Variants in GRM7 observed in about 807,000 individuals in gnomAD.
The protein encoded by GRM7 is glutamate metabotropic receptor 7.
A neutral mutation model predicts 84.5 loss-of-function variants in GRM7; 35 were observed. The observed-to-expected ratio is 0.41, with a 90% CI of 0.32 to 0.55. GRM7 has a LOEUF of 0.55. GRM7 is among the 20% of genes least tolerant of loss of function. The probability of loss-of-function intolerance (pLI) is 0.19; values close to 1 mark genes in which losing one functional copy is unlikely to be tolerated. For synonymous variants in GRM7, 487 were observed against 455.1 expected (o/e 1.07, Z -0.89); for missense variants, 1,003 against 1,194.6 (o/e 0.84, Z 2.36).
chr3:7,654,075 T>TGA (rs1699075506), intron 8 of GRM7, among the ~76,000 whole-genome samples: 1 of 136,696 alleles, frequency 7.3e-6, no homozygotes, highest in Non-Finnish European at 1.6e-5. Context: ...TGTCCTACCT[T>TGA]AGGTTCCTCT....
intron 1 of GRM7, among the ~76,000 whole-genome samples, chr3:7,094,459 C>A (rs1430442196): frequency 2.0e-5 from 3 of 152,022 alleles, no homozygotes; most frequent in Non-Finnish European, 2.9e-5. Context: ...TAGTTTGCAC[C>A]CAGAAAGCTA....
intron 1 of GRM7, among the ~76,000 whole-genome samples, chr3:6,878,050 TA>T (rs1163655842): frequency 6.6e-6 from 1 of 152,110 alleles, no homozygotes; most frequent in Non-Finnish European, 1.5e-5. Context: ...TCCATTCATT[TA>T]AGACCAATAC....
At chr3:7,062,815 A>G (rs1182014433) in intron 1 of GRM7, among the ~76,000 whole-genome samples, 1 of 151,798 alleles carries the variant, frequency 6.6e-6, no homozygotes, top group East Asian at 1.9e-4. Context: ...ATAGTGCACA[A>G]GAGATTGAAT....
intron 9 of GRM7, among the ~76,000 whole-genome samples, chr3:7,710,344 G>A (rs1305653794): frequency 6.6e-6 from 1 of 152,118 alleles, no homozygotes; most frequent in African/African-American, 2.4e-5. Flanking sequence ...CACGGGACCT[G>A]TTTTTGCTGT....
intron 7 of GRM7, among the ~76,000 whole-genome samples, chr3:7,537,781 CAA>C (rs1692635577): frequency 6.6e-6 from 1 of 151,974 alleles, no homozygotes; most frequent in African/African-American, 2.4e-5. Context: ...GTAGATTATT[CAA>C]CTAGGCATGC....
intron 7 of GRM7, among the ~76,000 whole-genome samples, chr3:7,529,142 T>C (rs1030688043): frequency 3.9e-5 from 6 of 152,116 alleles, no homozygotes; most frequent in Non-Finnish European, 5.9e-5. Flanking sequence ...GCAAGAATCT[T>C]TCAAAAATAT....
At chr3:7,560,424 C>G (rs1010476635) in intron 7 of GRM7, 1 of 152,052 alleles carries the variant, frequency 6.6e-6, no homozygotes, top group African/African-American at 2.4e-5. Context: ...TTCTTTCTCT[C>G]CACTCTCACG....
chr3:7,469,365 C>G (rs558359378), intron 7 of GRM7, among the ~76,000 whole-genome samples: 2 of 152,190 alleles, frequency 1.3e-5, no homozygotes, highest in African/African-American at 4.8e-5. Context: ...TAAGGCCAGT[C>G]AGAAGAAAAG....
chr3:7,031,406 T>TTTTATTTA lies in GRM7; in HGVS notation c.520-115026_520-115019dup, dbSNP rs200421808. ...AAATACTTTTTTTAAATTTTTTAAA[T>TTTTATTTA]TTTATTTATTTATTTATTTATTTAT... On this transcript the variant is annotated intron_variant, in intron 1 of 9. Coordinates refer to ENST00000357716, the MANE Select transcript of GRM7 (RefSeq NM_000844.4). Among the ~76,000 whole-genome samples, 874 of 150,180 alleles carry TTTTATTTA rather than the reference T, an allele frequency of 5.8e-3. 9 individuals carry two copies. Among genetic ancestry groups the TTTTATTTA allele is most frequent in the African/African-American group, 0.02 (810 of 40,034 alleles).
At position 7,572,689 on chromosome 3, in the gene GRM7, G is replaced by A. The variant is rs180992403; in HGVS notation, c.1516-5733G>A. On this transcript the variant is annotated intron_variant, in intron 7 of 9. Coordinates refer to ENST00000357716, the MANE Select transcript of GRM7 (RefSeq NM_000844.4). ...ACAAAAAAATTAGCCAGGCATGGGGGCGGGTGCCTGTAGTCCTAGCTACTC... is the reference window on the plus strand; with the variant it reads ...ACAAAAAAATTAGCCAGGCATGGGGACGGGTGCCTGTAGTCCTAGCTACTC... 3.6e-3 allele frequency among the ~76,000 whole-genome samples: 535 copies of A among 150,410 alleles called. 3 individuals are homozygous for A. The highest frequency in any genetic ancestry group is 0.013 in the African/African-American group (515 of 40,850).
At chr3:7,285,846 T>TA (rs895378409) in intron 2 of GRM7, among the ~76,000 whole-genome samples, 46 of 152,302 alleles carry the variant, frequency 3.0e-4, no homozygotes, top group African/African-American at 1.1e-3. Context: ...CCTTCTAATT[T>TA]ATCTCTTAAT....
chr3:7,150,728 T>A (rs1694259802), intron 2 of GRM7, among the ~76,000 whole-genome samples: 1 of 152,222 alleles, frequency 6.6e-6, no homozygotes, highest in African/African-American at 2.4e-5. Flanking sequence ...CCACTCTCTA[T>A]GTGCTTTAAA....
intron 2 of GRM7, among the ~76,000 whole-genome samples, chr3:7,203,465 T>G (rs1696133505): frequency 6.6e-6 from 1 of 152,218 alleles, no homozygotes; most frequent in Non-Finnish European, 1.5e-5. Context: ...TATAGATATA[T>G]ATCTCATATT....
At chr3:7,128,810 G>C (rs1365314464) in intron 1 of GRM7, among the ~76,000 whole-genome samples, 1 of 151,818 alleles carries the variant, frequency 6.6e-6, no homozygotes, top group Non-Finnish European at 1.5e-5. Flanking sequence ...ACCTGACCCA[G>C]ACTTCTTAAT....
chr3:6,925,123 T>C (rs1421574585), intron 1 of GRM7, among the ~76,000 whole-genome samples: 1 of 152,152 alleles, frequency 6.6e-6, no homozygotes, highest in Non-Finnish European at 1.5e-5. Flanking sequence ...AGAGAAGACT[T>C]ACTTTTGGGC....
intron 7 of GRM7, among the ~76,000 whole-genome samples, chr3:7,508,956 C>G (rs779798748): frequency 1.8e-4 from 27 of 152,164 alleles, no homozygotes; most frequent in Non-Finnish European, 3.5e-4. Flanking sequence ...TTCTCCTTAT[C>G]TGTGGTTTCA....
chr3:7,639,598 T>C (rs1387077626), intron 8 of GRM7, among the ~76,000 whole-genome samples: 1 of 152,172 alleles, frequency 6.6e-6, no homozygotes, highest in Admixed American at 6.5e-5. Flanking sequence ...TTTACAACTT[T>C]CCCTAAAATT....
At chr3:6,906,502 C>T (rs1574998562) in intron 1 of GRM7, among the ~76,000 whole-genome samples, 1 of 152,060 alleles carries the variant, frequency 6.6e-6, no homozygotes, top group Non-Finnish European at 1.5e-5. Context: ...TATTCTTATT[C>T]AGTTTGATGT....
chr3:7,373,592 T>G (rs2125120573), intron 4 of GRM7, among the ~76,000 whole-genome samples: 1 of 152,290 alleles, frequency 6.6e-6, no homozygotes, highest in East Asian at 1.9e-4. Context: ...TTTCTCCTTG[T>G]TTTAAGGTGG....
Sources: allele counts gnomAD v4.1 joint callset (sites outside exome capture counted in the v4.1 genomes callset), GRCh38; gene constraint gnomAD v4.1.1; transcripts MANE v1.5; gene names NCBI Gene and HGNC (gene_info 2026-07-23, HGNC 2026-07-21).